The following GALNT17 variants were observed in gnomAD, a reference collection of about 807,000 sequenced individuals.
GALNT17 encodes the protein UDP-GalNAc:polypeptide N-acetylgalactosaminyltransferase-like 3.
GALNT17 carries 29 observed loss-of-function variants against 63.7 expected under a neutral mutation model. That is an observed-to-expected ratio of 0.46 (90% CI 0.34 to 0.62). The LOEUF (loss-of-function observed/expected upper bound fraction) is 0.62. Ranked by LOEUF, GALNT17 falls within the 20% of genes least tolerant of loss-of-function variation. The pLI, the probability that GALNT17 is intolerant of heterozygous loss-of-function variation, is 0.01. For missense variants in GALNT17, 603 were observed against 799.6 expected (o/e 0.75, Z 2.97); for synonymous variants, 305 against 318.3 (o/e 0.96, Z 0.45).
intron 1 of GALNT17, among the ~76,000 whole-genome samples, chr7:71,181,088 T>C (rs768405370): frequency 2.0e-5 from 3 of 151,762 alleles, no homozygotes; most frequent in Admixed American, 2.0e-4. Context: ...AACCTGTCTC[T>C]ACTAAAAACA....
At chr7:71,197,563 C>T (rs1789077893) in intron 1 of GALNT17, among the ~76,000 whole-genome samples, 1 of 151,784 alleles carries the variant, frequency 6.6e-6, no homozygotes, top group Non-Finnish European at 1.5e-5. Context: ...TATTTTTGTA[C>T]CCATTAACAG....
At chr7:71,624,997 G>A (rs1453642728) in intron 6 of GALNT17, among the ~76,000 whole-genome samples, 1 of 152,094 alleles carries the variant, frequency 6.6e-6, no homozygotes, top group Non-Finnish European at 1.5e-5. Flanking sequence ...AAGGCAAGTG[G>A]CGTCATAGCA....
chr7:71,581,305 G>A (rs1220555744), intron 6 of GALNT17, among the ~76,000 whole-genome samples: 1 of 152,062 alleles, frequency 6.6e-6, no homozygotes, highest in Admixed American at 6.5e-5. Flanking sequence ...GATTACAGAT[G>A]TGCACTACCA....
chr7:71,162,733 G>A (rs1030578450), intron 1 of GALNT17, among the ~76,000 whole-genome samples: 19 of 152,218 alleles, frequency 1.2e-4, no homozygotes, highest in African/African-American at 4.3e-4. Flanking sequence ...GGAGGACACA[G>A]TTAGTGATGA....
chr7:71,365,379 C>T (rs924790168), intron 2 of GALNT17, among the ~76,000 whole-genome samples: 4 of 152,212 alleles, frequency 2.6e-5, no homozygotes, highest in African/African-American at 7.2e-5. Context: ...ACCTGTACTA[C>T]AGGCGTGCGC....
At chr7:71,257,799 G>A (rs909182981) in intron 1 of GALNT17, among the ~76,000 whole-genome samples, 3 of 152,130 alleles carry the variant, frequency 2.0e-5, no homozygotes, top group Admixed American at 2.0e-4. Context: ...AGTTTTAGGG[G>A]CACTTGTAAT....
At chr7:71,233,872 G>A (rs1028923765) in intron 1 of GALNT17, among the ~76,000 whole-genome samples, 9 of 152,142 alleles carry the variant, frequency 5.9e-5, no homozygotes, top group African/African-American at 2.2e-4. Flanking sequence ...GACTTGGGAG[G>A]CCTCAGGAAA....
chr7:71,289,205 CT>C (rs35418833), intron 1 of GALNT17, among the ~76,000 whole-genome samples: 1,782 of 117,802 alleles, frequency 0.015, 16 homozygotes, highest in East Asian at 0.07. Context: ...CTGACCACGT[CT>C]TTTTTTTTTT....
intron 1 of GALNT17, among the ~76,000 whole-genome samples, chr7:71,235,895 C>G (rs1035340350): frequency 6.6e-6 from 1 of 152,182 alleles, no homozygotes; most frequent in East Asian, 1.9e-4. Context: ...AAAGTCTGCT[C>G]TTGGTCAGGC....
chr7:71,214,116 A>T (rs888388225), intron 1 of GALNT17, among the ~76,000 whole-genome samples: 2 of 152,164 alleles, frequency 1.3e-5, no homozygotes, highest in Admixed American at 1.3e-4. Flanking sequence ...CCTTCCCATG[A>T]GTGCCCTTGG....
chr7:71,614,399 C>T (rs1469641809), intron 6 of GALNT17, among the ~76,000 whole-genome samples: 1 of 150,208 alleles, frequency 6.7e-6, no homozygotes, highest in East Asian at 2.0e-4. Context: ...TGAAAAGATC[C>T]AAAATCTGAA....
intron 6 of GALNT17, among the ~76,000 whole-genome samples, chr7:71,605,596 AAAAG>A (rs1318828249): frequency 2.0e-5 from 3 of 152,080 alleles, no homozygotes; most frequent in East Asian, 1.9e-4. Flanking sequence ...AAAAAAAAAA[AAAAG>A]AAAGGTGAAG....
intron 5 of GALNT17, among the ~76,000 whole-genome samples, chr7:71,553,587 T>C (rs1789115493): frequency 6.6e-6 from 1 of 152,244 alleles, no homozygotes; most frequent in Admixed American, 6.5e-5. Flanking sequence ...TGTTGGTGTC[T>C]CAAAGTTCTG....
rs969329752 is a variant in GALNT17, at chr7:71,480,261, G to C, written c.962+59156G>C. On this transcript the variant is annotated intron_variant, in intron 5 of 10. Coordinates refer to ENST00000333538, the MANE Select transcript of GALNT17 (RefSeq NM_022479.3). ...GCTCACTTCAACTTCTGCCTCCTGG[G>C]TTCAAGCGATTCTCCTGTCTCAGCC... Among the ~76,000 whole-genome samples, 3 of 137,928 alleles carry C rather than the reference G, an allele frequency of 2.2e-5. No homozygotes were observed. The Admixed American group carries it at 2.4e-4, about 11-fold the overall frequency. 90.5% of individuals were successfully genotyped at this position (137,928 alleles called of 152,430 possible). A position where few individuals can be genotyped will look rare whatever the true frequency, so the allele number is the denominator to read the frequency against.
At chr7:71,504,720 T>C (rs1244042283) in intron 5 of GALNT17, among the ~76,000 whole-genome samples, 1 of 152,168 alleles carries the variant, frequency 6.6e-6, no homozygotes, top group Non-Finnish European at 1.5e-5. Context: ...AAATTTGCTG[T>C]CTGGTATTTT....
At chr7:71,136,382 G>C (rs1009351405) in intron 1 of GALNT17, among the ~76,000 whole-genome samples, 1 of 152,180 alleles carries the variant, frequency 6.6e-6, no homozygotes, top group African/African-American at 2.4e-5. Context: ...GTACAGAGTG[G>C]GAGCCAGGCA....
intron 6 of GALNT17, among the ~76,000 whole-genome samples, chr7:71,592,531 TAAAATAA>T (rs775983270): frequency 0.34 from 33,369 of 99,106 alleles, 4,592 homozygotes; most frequent in Admixed American, 0.38. Context: ...TAAAATAAAA[TAAAATAA>T]AATAAAATAG....
chr7:71,548,078 T>A (rs7800304), intron 5 of GALNT17, among the ~76,000 whole-genome samples: 63,613 of 151,018 alleles, frequency 0.42, 13,716 homozygotes, highest in African/African-American at 0.52. Flanking sequence ...AAATAAAAAA[T>A]TTTTTTTTTT....
intron 1 of GALNT17, among the ~76,000 whole-genome samples, chr7:71,243,537 ACTTC>A (rs1790039420): frequency 6.6e-6 from 1 of 152,014 alleles, no homozygotes; most frequent in South Asian, 2.1e-4. Context: ...CAATCCTTCA[ACTTC>A]CTTTGCTATT....
Sources: gnomAD v4.1 joint callset for allele counts (sites outside exome capture counted in the v4.1 genomes callset) on GRCh38, gnomAD v4.1.1 for gene constraint, MANE v1.5 for transcripts, NCBI Gene and HGNC (gene_info 2026-07-23, HGNC 2026-07-21) for gene names.